Variants in SLC24A3 observed in about 807,000 individuals in gnomAD.
SLC24A3 encodes the protein solute carrier family 24 member 3.
Under a neutral mutation model 75.8 loss-of-function variants are expected in SLC24A3, and 28 were observed. The ratio of observed to expected loss-of-function variants is 0.37; its 90% confidence interval spans 0.27 to 0.51. The LOEUF is 0.51. Among genes scored for constraint, SLC24A3 ranks in the 20% least tolerant of loss-of-function variants. The probability of loss-of-function intolerance (pLI) is 0.94; values close to 1 mark genes in which losing one functional copy is unlikely to be tolerated. For synonymous variants in SLC24A3, 372 were observed against 334.1 expected (o/e 1.11, Z -1.24); for missense variants, 663 against 847.8 (o/e 0.78, Z 2.71).
chr20:19,306,492 C>T (rs1984333329), intron 2 of SLC24A3, among the ~76,000 whole-genome samples: 1 of 152,152 alleles, frequency 6.6e-6, no homozygotes, highest in African/African-American at 2.4e-5. Context: ...AATTGTGATA[C>T]ATATATACCA....
Position 19,640,003 on chromosome 20 carries a change from G to A in SLC24A3, c.613-14059G>A, listed in dbSNP as rs560001054. On this transcript the variant is annotated intron_variant, in intron 6 of 16. Coordinates refer to ENST00000328041, the MANE Select transcript of SLC24A3 (RefSeq NM_020689.4). ...AGCGCGGAGCGCAGCCCTGATTCCC[G>A]CTGGCGCCTCTCCCTCCACACCTCC... Among the ~76,000 whole-genome samples the A allele has an allele frequency of 7.9e-5, 12 of 152,348 alleles. No homozygotes were observed. The South Asian group carries it at 2.3e-3, about 29-fold the overall frequency.
chr20:19,608,091 G>A (rs1292026447), intron 6 of SLC24A3, among the ~76,000 whole-genome samples: 4 of 152,214 alleles, frequency 2.6e-5, no homozygotes, highest in Non-Finnish European at 4.4e-5. Context: ...TCTGTAGTCT[G>A]TGTCACCTCC....
intron 2 of SLC24A3, among the ~76,000 whole-genome samples, chr20:19,463,014 C>T (rs191883499): frequency 3.9e-5 from 6 of 152,100 alleles, no homozygotes; most frequent in African/African-American, 1.4e-4. Context: ...CTTCACTGCC[C>T]GGGGTCTGGT....
intron 2 of SLC24A3, among the ~76,000 whole-genome samples, chr20:19,301,286 G>T (rs1054648162): frequency 6.6e-6 from 1 of 152,220 alleles, no homozygotes; most frequent in East Asian, 1.9e-4. Context: ...GGAAGCTACT[G>T]TTAAGGGATT....
intron 6 of SLC24A3, among the ~76,000 whole-genome samples, chr20:19,596,035 G>A (rs2031448375): frequency 1.3e-5 from 2 of 152,178 alleles, no homozygotes; most frequent in Admixed American, 6.5e-5. Flanking sequence ...GCTCAGAGAG[G>A]TGGTAGCCAG....
chr20:19,279,635 C>A (rs1288438463), intron 1 of SLC24A3, among the ~76,000 whole-genome samples: 1 of 152,164 alleles, frequency 6.6e-6, no homozygotes, highest in Admixed American at 6.5e-5. Context: ...TTCTTCCATT[C>A]CTTCTCCCTG....
rs549042968 is a variant in SLC24A3, at chr20:19,645,720, A to G, written c.613-8342A>G. ...TAGCAACTATTTCAACTAACAAGAA[A>G]CAAAGAAAAAATTCTAATCAGGCCA... On this transcript the variant is annotated intron_variant, in intron 6 of 16. Transcript: ENST00000328041. Among the ~76,000 whole-genome samples the G allele has an allele frequency of 8.5e-5, 13 of 152,346 alleles. No individual in the cohort carries two copies. In the East Asian group the frequency reaches 2.5e-3, roughly 29 times the overall value.
chr20:19,675,551 G>T lies in SLC24A3; in HGVS notation c.767+1897G>T, dbSNP rs150538223. On this transcript the variant is annotated intron_variant, in intron 9 of 16. Coordinates refer to ENST00000328041, the MANE Select transcript of SLC24A3 (RefSeq NM_020689.4). ...CTGCTGCCAGTCTACTCAATATGGG[G>T]GCCAACATTTGTGAGGGGAGCCATC... Among the ~76,000 whole-genome samples, 575 of 152,296 alleles carry T rather than the reference G, an allele frequency of 3.8e-3. 5 individuals carry two copies. The highest frequency in any genetic ancestry group is 0.013 in the African/African-American group (530 of 41,556).
At chr20:19,364,535 A>G (rs971471917) in intron 2 of SLC24A3, among the ~76,000 whole-genome samples, 4 of 151,956 alleles carry the variant, frequency 2.6e-5, no homozygotes, top group Admixed American at 6.5e-5. Context: ...GTTTCACTGC[A>G]GCATCAAACT....
intron 2 of SLC24A3, among the ~76,000 whole-genome samples, chr20:19,449,052 G>A (rs1167144175): frequency 6.6e-6 from 1 of 152,306 alleles, no homozygotes; most frequent in East Asian, 1.9e-4. Context: ...AATGAAGTGG[G>A]CAAGAAAAAG....
At chr20:19,406,871 G>A (rs1986656436) in intron 2 of SLC24A3, among the ~76,000 whole-genome samples, 1 of 152,322 alleles carries the variant, frequency 6.6e-6, no homozygotes, top group Non-Finnish European at 1.5e-5. Flanking sequence ...CCATTTATGA[G>A]GTACTAAGTT....
At chr20:19,563,738 A>G (rs1189959133) in intron 3 of SLC24A3, among the ~76,000 whole-genome samples, 2 of 152,186 alleles carry the variant, frequency 1.3e-5, no homozygotes, top group South Asian at 4.1e-4. Context: ...CTGAGTTTGC[A>G]GAGAGAACAA....
intron 1 of SLC24A3, among the ~76,000 whole-genome samples, chr20:19,268,370 A>G (rs976264232): frequency 2.6e-5 from 4 of 152,212 alleles, no homozygotes; most frequent in African/African-American, 7.2e-5. Context: ...CCAATCTCCA[A>G]TAAGTTATGT....
At chr20:19,710,409 T>A (rs575476156) in intron 15 of SLC24A3, among the ~76,000 whole-genome samples, 3 of 152,314 alleles carry the variant, frequency 2.0e-5, no homozygotes, top group Admixed American at 1.3e-4. Context: ...GTGGGCTAAA[T>A]CCCTGTTGAC....
In SLC24A3 at chr20:19,721,038, C is replaced by T; in HGVS notation, c.1833C>T (p.Gly611=). ...AGTGGCAGCTGGACAAGAAGCTGGG[C>T]TGTGGGTGCCTCCTCCTGTATGGTG... ...LNKWQLDKKL[G]CGCLLLYGVF... Residue 611 remains glycine, a synonymous_variant, in exon 17 of 17, where the codon GGC becomes GGT. Coordinates refer to ENST00000328041, the MANE Select transcript of SLC24A3 (RefSeq NM_020689.4). 6.2e-7 allele frequency: 1 copy of T among 1,614,116 alleles called. No homozygotes were observed. Among genetic ancestry groups the T allele is most frequent in the Non-Finnish European group, 8.5e-7 (1 of 1,180,026 alleles).
Position 19,563,816 on chromosome 20 carries a change from C to T in SLC24A3, c.349-16184C>T, listed in dbSNP as rs528067823. Among the ~76,000 whole-genome samples, 4 of 152,276 alleles carry T rather than the reference C, an allele frequency of 2.6e-5. No individual in the cohort carries two copies. The South Asian group carries it at 8.3e-4, about 32-fold the overall frequency. On this transcript the variant is annotated intron_variant, in intron 3 of 16. Coordinates refer to ENST00000328041, the MANE Select transcript of SLC24A3 (RefSeq NM_020689.4). ...TAACCAGTCTTGTATCTTTTAAAAG[C>T]ACAATGTTGGGCAATAAACATTGCT... is the stretch of plus-strand genomic sequence containing the variant.
At chr20:19,268,120 A>G (rs1600401909) in intron 1 of SLC24A3, among the ~76,000 whole-genome samples, 1 of 152,154 alleles carries the variant, frequency 6.6e-6, no homozygotes, top group East Asian at 1.9e-4. Context: ...AAGGTGCATC[A>G]TGCTGTGATA....
At chr20:19,548,681 C>T (rs1385703048) in intron 3 of SLC24A3, among the ~76,000 whole-genome samples, 1 of 152,210 alleles carries the variant, frequency 6.6e-6, no homozygotes, top group Non-Finnish European at 1.5e-5. Context: ...AGAGTCCAGC[C>T]TCTTTTGAGG....
intron 2 of SLC24A3, among the ~76,000 whole-genome samples, chr20:19,292,685 G>A (rs558065646): frequency 1.7e-4 from 26 of 152,350 alleles, no homozygotes; most frequent in Non-Finnish European, 3.5e-4. Context: ...GGCAGAAGCA[G>A]GTGGGAAAGG....
Sources: allele counts gnomAD v4.1 joint callset (sites outside exome capture counted in the v4.1 genomes callset), GRCh38; gene constraint gnomAD v4.1.1; transcripts MANE v1.5; gene names NCBI Gene and HGNC (gene_info 2026-07-23, HGNC 2026-07-21).